MACROD2: variants seen among roughly 807,000 people sequenced by gnomAD.
The protein encoded by MACROD2 is ADP-ribose glycohydrolase MACROD2.
In MACROD2, 36 loss-of-function variants were observed where a neutral mutation model predicts 70.4. The observed-to-expected ratio is 0.51, with a 90% CI of 0.39 to 0.68. The LOEUF is 0.68. Among genes scored for constraint, MACROD2 ranks in the 30% least tolerant of loss-of-function variants. The pLI, the probability that MACROD2 is intolerant of heterozygous loss-of-function variation, is 0.00. For missense variants in MACROD2, 496 were observed against 538.4 expected (o/e 0.92, Z 0.78); for synonymous variants, 172 against 178.8 (o/e 0.96, Z 0.30).
chr20:15,587,247 A>ACTT (rs1376418776), intron 8 of MACROD2, among the ~76,000 whole-genome samples: 2 of 152,144 alleles, frequency 1.3e-5, no homozygotes, highest in Admixed American at 1.3e-4. Context: ...ATCTTGTGAG[A>ACTT]CTTACTCCCT....
At chr20:15,545,272 T>C (rs1048705174) in intron 8 of MACROD2, among the ~76,000 whole-genome samples, 6 of 152,248 alleles carry the variant, frequency 3.9e-5, no homozygotes, top group East Asian at 1.9e-4. Flanking sequence ...CTTCTTAATA[T>C]GAAGGTTTCC....
chr20:14,765,107 A>T (rs996765711), intron 5 of MACROD2, among the ~76,000 whole-genome samples: 1 of 152,136 alleles, frequency 6.6e-6, no homozygotes, highest in Middle Eastern at 3.2e-3. Flanking sequence ...GAGAATACAT[A>T]TCAAGCACCT....
intron 5 of MACROD2, among the ~76,000 whole-genome samples, chr20:14,722,006 T>G (rs765850924): frequency 4.6e-5 from 7 of 152,126 alleles, no homozygotes; most frequent in Non-Finnish European, 1.0e-4. Context: ...CCTGACTCAG[T>G]AAAGAGGTAT....
chr20:14,116,116 C>T (rs927564), intron 3 of MACROD2, among the ~76,000 whole-genome samples: 151,332 of 152,302 alleles, frequency 0.99, 75,192 homozygotes, highest in South Asian at 1. Flanking sequence ...CCTGTTGTAA[C>T]TGGTATACTT....
At chr20:14,706,725 T>C (rs374522916) in intron 5 of MACROD2, among the ~76,000 whole-genome samples, 1 of 152,108 alleles carries the variant, frequency 6.6e-6, no homozygotes, top group Non-Finnish European at 1.5e-5. Flanking sequence ...ACTTTATCAC[T>C]GTCCCTCCAG....
chr20:15,259,283 G>A (rs1440582837), intron 6 of MACROD2, among the ~76,000 whole-genome samples: 3 of 152,036 alleles, frequency 2.0e-5, no homozygotes, highest in Admixed American at 2.0e-4. Flanking sequence ...TAAGCAGAAA[G>A]TTAAGGAGAG....
intron 3 of MACROD2, among the ~76,000 whole-genome samples, chr20:14,128,893 CT>C (rs1168009446): frequency 6.6e-6 from 1 of 152,160 alleles, no homozygotes; most frequent in African/African-American, 2.4e-5. Context: ...TTTAGGCCCA[CT>C]TTTGAGACCA....
At chr20:14,183,538 A>C (rs976626978) in intron 3 of MACROD2, among the ~76,000 whole-genome samples, 1 of 151,974 alleles carries the variant, frequency 6.6e-6, no homozygotes, top group Admixed American at 6.6e-5. Context: ...TTTTTGGGGT[A>C]TATACCCAGT....
rs138537454 is a variant in MACROD2, at chr20:15,273,595, C to A, written c.540+43534C>A. Among the ~76,000 whole-genome samples the A allele has an allele frequency of 1.4e-4, 21 of 152,204 alleles. No homozygotes were observed. In the East Asian group the frequency reaches 2.7e-3, roughly 20 times the overall value. On this transcript the variant is annotated intron_variant, in intron 6 of 17. Transcript: ENST00000684519. ...AAACAGTTGACCAGACATAAAAGAT[C>A]TCAGGGTGAGGAAAAGGCAGTTTTC...
At chr20:14,481,244 G>C (rs1432474655) in intron 3 of MACROD2, among the ~76,000 whole-genome samples, 5 of 152,020 alleles carry the variant, frequency 3.3e-5, no homozygotes, top group Non-Finnish European at 7.4e-5. Flanking sequence ...TTTCAGCATT[G>C]ATAATTAAGA....
intron 4 of MACROD2, among the ~76,000 whole-genome samples, chr20:14,666,034 A>G (rs1248446144): frequency 1.3e-5 from 2 of 152,098 alleles, no homozygotes; most frequent in Non-Finnish European, 2.9e-5. Flanking sequence ...AAAAACCCAG[A>G]TTCCTTTTCT....
At chr20:14,969,735 A>G (rs565418841) in intron 5 of MACROD2, among the ~76,000 whole-genome samples, 1 of 152,220 alleles carries the variant, frequency 6.6e-6, no homozygotes, top group East Asian at 1.9e-4. Flanking sequence ...AGTCTTAAAG[A>G]GTTTTATTCA....
chr20:15,978,613 TCTCG>T, intron 13 of MACROD2, among the ~76,000 whole-genome samples: 1 of 151,330 alleles, frequency 6.6e-6, no homozygotes, highest in South Asian at 2.1e-4. Context: ...TCTCTCTCTC[TCTCG>T]TTCTTTCTCT....
At chr20:16,013,047 G>A (rs1436013520) in intron 15 of MACROD2, among the ~76,000 whole-genome samples, 1 of 152,152 alleles carries the variant, frequency 6.6e-6, no homozygotes, top group Non-Finnish European at 1.5e-5. Flanking sequence ...GGGCATGGTG[G>A]CGTGTGCCTG....
chr20:15,570,879 G>C (rs1483397082), intron 8 of MACROD2, among the ~76,000 whole-genome samples: 1 of 150,874 alleles, frequency 6.6e-6, no homozygotes, highest in African/African-American at 2.4e-5. Context: ...CAGATCCACA[G>C]ACAAAAAAAA....
intron 3 of MACROD2, among the ~76,000 whole-genome samples, chr20:14,238,052 A>G (rs1414385588): frequency 6.6e-6 from 1 of 152,140 alleles, no homozygotes; most frequent in Non-Finnish European, 1.5e-5. Flanking sequence ...TCCTTTGTGT[A>G]TATACCCAGT....
chr20:14,698,470 G>C (rs994575447), intron 5 of MACROD2, among the ~76,000 whole-genome samples: 1 of 152,118 alleles, frequency 6.6e-6, no homozygotes, highest in Non-Finnish European at 1.5e-5. Flanking sequence ...AACATGGTTA[G>C]CTGTTTTTCA....
intron 5 of MACROD2, among the ~76,000 whole-genome samples, chr20:14,821,751 G>A (rs1600698366): frequency 6.6e-6 from 1 of 151,998 alleles, no homozygotes; most frequent in African/African-American, 2.4e-5. Context: ...AGAAGTTTAG[G>A]GAGAACACTC....
chr20:15,122,029 C>A (rs1002039464), intron 5 of MACROD2, among the ~76,000 whole-genome samples: 1 of 152,084 alleles, frequency 6.6e-6, no homozygotes, highest in East Asian at 1.9e-4. Flanking sequence ...ATTTGTATTT[C>A]TCAGTTTCCC....
Sources: gnomAD v4.1 joint callset for allele counts (sites outside exome capture counted in the v4.1 genomes callset) on GRCh38, gnomAD v4.1.1 for gene constraint, MANE v1.5 for transcripts, NCBI Gene and HGNC (gene_info 2026-07-23, HGNC 2026-07-21) for gene names.